The following MAP2 variants were observed in gnomAD, a reference collection of about 807,000 sequenced individuals.
The protein encoded by MAP2 is microtubule associated protein 2.
In MAP2, 14 loss-of-function variants were observed where a neutral mutation model predicts 137.6. The observed-to-expected ratio is 0.10, with a 90% CI of 0.07 to 0.16. MAP2 has a LOEUF of 0.16. MAP2 is among the 10% of genes least tolerant of loss of function. MAP2 has a pLI of 1.00. For missense variants in MAP2, 2,088 were observed against 2,191.5 expected (o/e 0.95, Z 0.94); for synonymous variants, 786 against 782.3 (o/e 1.00, Z -0.08).
At chr2:209,664,642 T>C (rs1391701113) in intron 5 of MAP2, among the ~76,000 whole-genome samples, 2 of 151,962 alleles carry the variant, frequency 1.3e-5, no homozygotes, top group East Asian at 1.9e-4. Context: ...TATACTACAT[T>C]GTGAACAATA....
chr2:209,486,217 C>G (rs981585992), intron 1 of MAP2, among the ~76,000 whole-genome samples: 1 of 147,874 alleles, frequency 6.8e-6, no homozygotes, highest in Non-Finnish European at 1.5e-5. Context: ...CTTGTATATT[C>G]TATTTGCTTG....
chr2:209,698,000 C>T (rs531417251), intron 10 of MAP2, among the ~76,000 whole-genome samples: 1 of 113,494 alleles, frequency 8.8e-6, no homozygotes, highest in African/African-American at 2.7e-5. Context: ...AGGCGTGCAC[C>T]CAGCTAATTT....
intron 3 of MAP2, among the ~76,000 whole-genome samples, chr2:209,613,938 G>C (rs2153496393): frequency 6.6e-6 from 1 of 152,212 alleles, no homozygotes; most frequent in Non-Finnish European, 1.5e-5. Flanking sequence ...AACCTCATTG[G>C]CTCACTTGCT....
chr2:209,611,580 T>C (rs1316621331), intron 3 of MAP2, among the ~76,000 whole-genome samples: 1 of 152,076 alleles, frequency 6.6e-6, no homozygotes, highest in Non-Finnish European at 1.5e-5. Flanking sequence ...TCATAAAGCC[T>C]CTTGCTGTAA....
At chr2:209,629,939 G>A (rs1298799493) in intron 4 of MAP2, among the ~76,000 whole-genome samples, 1 of 152,170 alleles carries the variant, frequency 6.6e-6, no homozygotes, top group African/African-American at 2.4e-5. Flanking sequence ...GCAGAGGTGG[G>A]CACCACCTGC....
intron 3 of MAP2, among the ~76,000 whole-genome samples, chr2:209,598,708 T>C (rs868839442): frequency 2.2e-4 from 34 of 151,276 alleles, no homozygotes; most frequent in African/African-American, 7.5e-4. Flanking sequence ...TTTGGTTTTT[T>C]GTTCTTGCAA....
chr2:209,718,790 G>T lies in MAP2; in HGVS notation c.5074-6919G>T, dbSNP rs187893078. Among the ~76,000 whole-genome samples the T allele has an allele frequency of 3.2e-3, 483 of 152,222 alleles. 5 individuals are homozygous for T. The highest frequency in any genetic ancestry group is 0.031 in the South Asian group (150 of 4,830). On this transcript the variant is annotated intron_variant, in intron 13 of 15. Transcript: ENST00000682079. ...TATATTGGATATAAAAAATTTTAAA[G>T]AAACTATTGTTCAATGTAGGCAGGG...
intron 1 of MAP2, among the ~76,000 whole-genome samples, chr2:209,427,196 G>A (rs1396106997): frequency 6.6e-6 from 1 of 152,110 alleles, no homozygotes; most frequent in Non-Finnish European, 1.5e-5. Flanking sequence ...CCTCTTAACA[G>A]ATTAAGATAA....
intron 3 of MAP2, among the ~76,000 whole-genome samples, chr2:209,613,720 T>C (rs1426397612): frequency 2.0e-5 from 3 of 152,186 alleles, no homozygotes; most frequent in African/African-American, 7.2e-5. Context: ...CATTTTGAAG[T>C]CTGTCAACTA....
intron 4 of MAP2, among the ~76,000 whole-genome samples, chr2:209,642,044 C>G (rs1184891406): frequency 6.6e-6 from 1 of 152,120 alleles, no homozygotes; most frequent in Non-Finnish European, 1.5e-5. Flanking sequence ...CCTTCCAGAT[C>G]TCTCTGGAAG....
intron 1 of MAP2, among the ~76,000 whole-genome samples, chr2:209,436,015 T>TTATATATAATATATACAGTACATATTA (rs1559159682): frequency 8.9e-5 from 8 of 90,306 alleles, no homozygotes; most frequent in African/African-American, 7.6e-4. Context: ...ACAGTATATA[T>TTATATATAATATATACAGTACATATTA]TATATATAAA....
At chr2:209,701,397 C>T (rs1485732068) in intron 11 of MAP2, among the ~76,000 whole-genome samples, 1 of 151,248 alleles carries the variant, frequency 6.6e-6, no homozygotes, top group African/African-American at 2.4e-5. Context: ...ATTTTAATGA[C>T]CAAAGCCAAC....
Position 209,527,811 on chromosome 2 carries a change from T to C in MAP2, c.-172+20170T>C, listed in dbSNP as rs374049695. On this transcript the variant is annotated intron_variant, in intron 2 of 15. Coordinates refer to ENST00000682079, the MANE Select transcript of MAP2 (RefSeq NM_001375505.1). ...CCAGACCTAGTGAATCAGAAATGTG[T>C]GGCTGCAGCTCGGTAACCTGCGTTT... Among the ~76,000 whole-genome samples, 8 of 152,282 alleles carry C rather than the reference T, an allele frequency of 5.3e-5. No individual in the cohort carries two copies. In the South Asian group the frequency reaches 1.7e-3, roughly 32 times the overall value.
Position 209,618,375 on chromosome 2 carries a change from C to G in MAP2, c.-106-6678C>G, listed in dbSNP as rs529014399. Among the ~76,000 whole-genome samples, 7 of 152,188 alleles carry G rather than the reference C, an allele frequency of 4.6e-5. No homozygotes were observed. The East Asian group carries it at 1.2e-3, about 25-fold the overall frequency. ...ACATTGTAGTCACAATACAAAAGTCCTTGAGGCTAAGCTGAGAAATTTATA... is the reference window on the plus strand; with the variant it reads ...ACATTGTAGTCACAATACAAAAGTCGTTGAGGCTAAGCTGAGAAATTTATA... On this transcript the variant is annotated intron_variant, in intron 3 of 15. Transcript: ENST00000682079.
intron 5 of MAP2, among the ~76,000 whole-genome samples, chr2:209,676,483 C>T (rs955304718): frequency 6.6e-6 from 1 of 151,374 alleles, no homozygotes; most frequent in African/African-American, 2.4e-5. Flanking sequence ...CAACAAGCCC[C>T]CATGACACAA....
chr2:209,704,046 T>C (rs2062594437), intron 11 of MAP2: 3 of 454,862 alleles, frequency 6.6e-6, no homozygotes, highest in African/African-American at 2.0e-5. Context: ...TTTGAGCTTA[T>C]ATTGATTCCA....
chr2:209,723,796 C>G, intron 13 of MAP2: 1 of 717,248 alleles, frequency 1.4e-6, no homozygotes, highest in Non-Finnish European at 2.5e-6. Context: ...TCCTTTCTCA[C>G]TGCTGTTCCA....
chr2:209,555,871 C>G (rs2070439287), intron 2 of MAP2, among the ~76,000 whole-genome samples: 1 of 152,144 alleles, frequency 6.6e-6, no homozygotes, highest in Non-Finnish European at 1.5e-5. Context: ...TAGTCACATT[C>G]TCAGCATCTG....
intron 1 of MAP2, among the ~76,000 whole-genome samples, chr2:209,478,363 T>A (rs1371398548): frequency 6.6e-6 from 1 of 152,202 alleles, no homozygotes; most frequent in East Asian, 1.9e-4. Flanking sequence ...ACATTTATTT[T>A]AAAAACTATG....
Sources: allele counts gnomAD v4.1 joint callset (sites outside exome capture counted in the v4.1 genomes callset), GRCh38; gene constraint gnomAD v4.1.1; transcripts MANE v1.5; gene names NCBI Gene and HGNC (gene_info 2026-07-23, HGNC 2026-07-21).